Variants in LAMB1 observed in about 807,000 individuals in gnomAD.
LAMB1 encodes laminin subunit beta-1.
Under a neutral mutation model 222.3 loss-of-function variants are expected in LAMB1, and 121 were observed. The observed-to-expected ratio is 0.54, with a 90% confidence interval of 0.47 to 0.63. The LOEUF (loss-of-function observed/expected upper bound fraction) is 0.63. Among genes scored for constraint, LAMB1 ranks in the 30% least tolerant of loss-of-function variants. The pLI, the probability that LAMB1 is intolerant of heterozygous loss-of-function variation, is 0.00. For missense variants in LAMB1, 2,172 were observed against 2,240.8 expected, an observed-to-expected ratio of 0.97 and a Z score of 0.62; for synonymous variants, 794 against 807.2, an observed-to-expected ratio of 0.98 and a Z score of 0.28.
Position 107,924,360 on chromosome 7 carries a change from A to G in LAMB1, c.5094T>C (p.Tyr1698=), listed in dbSNP as rs369918621. The change falls in exon 33 of 34, where the codon TAT becomes TAC. Residue 1698 remains tyrosine, a synonymous_variant. Coordinates refer to ENST00000222399, the MANE Select transcript of LAMB1 (RefSeq NM_002291.3). ...KTLDGELDEK[Y]KKVENLIAKK... ...TGGCAATTAAATTTTCTACTTTTTT[A>G]TACTTTTCATCAAGTTCACCATCTA... 23 of 1,610,428 alleles carry G rather than the reference A, an allele frequency of 1.4e-5. No homozygotes were observed. Among genetic ancestry groups the G allele is most frequent in the Non-Finnish European group, 1.8e-5 (21 of 1,178,220 alleles).
intron 5 of LAMB1, among the ~76,000 whole-genome samples, chr7:107,992,109 G>A (rs562685633): frequency 6.6e-6 from 1 of 152,160 alleles, no homozygotes; most frequent in East Asian, 1.9e-4. Flanking sequence ...CTGACCCACT[G>A]TCCCACCACC....
chr7:107,970,824 T>C (rs1215659824), intron 13 of LAMB1, among the ~76,000 whole-genome samples: 2 of 151,976 alleles, frequency 1.3e-5, no homozygotes, highest in South Asian at 2.1e-4. Flanking sequence ...CTCTGTTTTC[T>C]AGGTTCAAGC....
intron 5 of LAMB1, among the ~76,000 whole-genome samples, chr7:107,987,767 G>C (rs1213002748): frequency 6.6e-6 from 1 of 152,204 alleles, no homozygotes; most frequent in South Asian, 2.1e-4. Flanking sequence ...CTCCCAAAGT[G>C]AGGGGATTAC....
At chr7:107,990,863 G>A (rs1196839985) in intron 5 of LAMB1, among the ~76,000 whole-genome samples, 1 of 152,168 alleles carries the variant, frequency 6.6e-6, no homozygotes, top group African/African-American at 2.4e-5. Flanking sequence ...CTCCTGGGTT[G>A]CAGGAAAAGG....
At chr7:107,964,734 G>T in intron 13 of LAMB1, 47 bp from the exon 14 acceptor site, 1 of 1,604,150 alleles carries the variant, frequency 6.2e-7, no homozygotes, top group Non-Finnish European at 8.5e-7. Context: ...GGTCACGCGA[G>T]TCAACCCGCC....
rs745945945 is a variant in LAMB1 at position 107,955,460 on chromosome 7, G to A, written c.2854+7C>T. 10 of 1,609,810 alleles carry A rather than the reference G, an allele frequency of 6.2e-6. No individual in the cohort carries two copies. The highest frequency in any genetic ancestry group is 4.5e-5 in the East Asian group (2 of 44,704). Reference sequence around the variant, plus strand: ...TCTTTGCCTCCCAAAGTATGCACACGACTTACCAATGTATCCAGGATCACA... The same window carrying A: ...TCTTTGCCTCCCAAAGTATGCACACAACTTACCAATGTATCCAGGATCACA... On this transcript the variant is annotated splice_region_variant and intron_variant, in intron 21 of 33. Coordinates refer to ENST00000222399, the MANE Select transcript of LAMB1 (RefSeq NM_002291.3).
At chr7:107,952,997 A>C (rs141616197) in intron 22 of LAMB1, among the ~76,000 whole-genome samples, 4 of 152,246 alleles carry the variant, frequency 2.6e-5, no homozygotes, top group Admixed American at 2.0e-4. Context: ...CTTTCCTGTT[A>C]TCTCTCCCAG....
chr7:107,964,734 G>GT, intron 13 of LAMB1, 47 bp from the exon 14 acceptor site: 1 of 1,604,150 alleles, frequency 6.2e-7, no homozygotes, highest in Non-Finnish European at 8.5e-7. Context: ...GGTCACGCGA[G>GT]TCAACCCGCC....
intron 25 of LAMB1, among the ~76,000 whole-genome samples, chr7:107,938,856 C>T (rs2032911691): frequency 6.6e-6 from 1 of 152,152 alleles, no homozygotes; most frequent in Non-Finnish European, 1.5e-5. Flanking sequence ...AAACCCAAGG[C>T]TTGACATCAA....
Position 107,929,064 on chromosome 7 carries a change from C to T in LAMB1, c.4887G>A (p.Ser1629=), listed in dbSNP as rs754506684. The change falls in exon 31 of 34, where the codon TCG becomes TCA. Residue 1629 remains serine (S), a splice_region_variant and synonymous_variant. Coordinates refer to ENST00000222399, the MANE Select transcript of LAMB1 (RefSeq NM_002291.3). ...TCATGTAATGATTGTGTATGCCTAC[C>T]GAAGTTAACAGGTTCTGGGTTCCTT... The part of the protein sequence containing the change: ...DIQGTQNLLT[S]IESETAASEE... 7 of 1,613,556 alleles carry T rather than the reference C, an allele frequency of 4.3e-6. No homozygotes were observed. Among genetic ancestry groups the T allele is most frequent in the East Asian group, 2.2e-5 (1 of 44,850 alleles).
chr7:107,932,042 T>G, intron 28 of LAMB1, 132 bp downstream of exon 28: 1 of 851,356 alleles, frequency 1.2e-6, no homozygotes, highest in Non-Finnish European at 1.9e-6. Flanking sequence ...AAACATGAAC[T>G]TTCATATTTG....
rs1054926655 is a variant in LAMB1 at position 107,976,010 on chromosome 7, T to C, written c.1001-133A>G. The C allele has an allele frequency of 5.7e-6, 4 of 696,192 alleles. No individual in the cohort carries two copies. The African/African-American group carries it at 7.2e-5, about 13-fold the overall frequency. The allele number at this position is 696,192 out of a possible 1,614,324, so 43.1% of individuals were successfully genotyped here. On this transcript the variant is annotated intron_variant, in intron 9 of 33. Coordinates refer to ENST00000222399, the MANE Select transcript of LAMB1 (RefSeq NM_002291.3). The stretch of plus-strand genomic sequence containing the variant: ...AATGGCAGTCAACAAGCAGGACTCC[T>C]GGGGAAAAAGGACGCATCCACCGAT...
At chr7:107,940,739 A>C (rs997044800) in intron 24 of LAMB1, among the ~76,000 whole-genome samples, 1 of 152,142 alleles carries the variant, frequency 6.6e-6, no homozygotes, top group Non-Finnish European at 1.5e-5. Context: ...CAGAATTCTG[A>C]TTCAGTTCTT....
rs528714160 is a variant in LAMB1 at position 107,961,009 on chromosome 7, T to A, written c.2109+197A>T. 2.4e-4 allele frequency among the ~76,000 whole-genome samples: 37 copies of A among 152,286 alleles called. 1 individual carries two copies. In the South Asian group the frequency reaches 2.7e-3, roughly 11 times the overall value. On this transcript the variant is annotated intron_variant, in intron 17 of 33. Transcript: ENST00000222399. Reference sequence around the variant, plus strand: ...ACGCCTAGTGAAATGCTGTTTTTTTTAAAAGACATTTTATATTTTTAGAAG... The same window carrying A: ...ACGCCTAGTGAAATGCTGTTTTTTTAAAAAGACATTTTATATTTTTAGAAG...
chr7:107,947,983 C>CTTTTTTTTTTT (rs10630521), intron 24 of LAMB1, among the ~76,000 whole-genome samples: 2 of 117,256 alleles, frequency 1.7e-5, no homozygotes, highest in African/African-American at 3.3e-5. Flanking sequence ...TCTTCTTCTT[C>CTTTTTTTTTTT]TTTTTTTTTT....
chr7:108,001,966 C>A, intron 2 of LAMB1: 1 of 1,449,348 alleles, frequency 6.9e-7, no homozygotes, highest in South Asian at 1.5e-5. Flanking sequence ...CAGGTCTGTC[C>A]AGCAGCGAGA....
chr7:107,996,175 AAAT>A (rs1309020145), intron 4 of LAMB1, among the ~76,000 whole-genome samples: 3 of 152,196 alleles, frequency 2.0e-5, no homozygotes, highest in African/African-American at 7.2e-5. Flanking sequence ...AGAGATAACA[AAAT>A]AATGTAAAGT....
In LAMB1 at chr7:107,975,031, G is replaced by T. The variant is rs1447233282; in HGVS notation, c.1437C>A (p.Cys479Ter). 2 of 1,612,798 alleles carry T rather than the reference G, an allele frequency of 1.2e-6. No individual in the cohort carries two copies. Among genetic ancestry groups the T allele is most frequent in the Non-Finnish European group, 1.7e-6 (2 of 1,178,982 alleles). Residue 479 changes from cysteine to a stop codon, truncating the protein, a stop_gained, in exon 12 of 34, where the codon TGC becomes TGA. Coordinates refer to ENST00000222399, the MANE Select transcript of LAMB1 (RefSeq NM_002291.3). LOFTEE classifies it high-confidence loss of function. ...GTCCTGTCACCAGACGCTTGCAGTAGCAGTGACCTGTCTCGGAATCACAAG... is the reference window on the plus strand; with the variant it reads ...GTCCTGTCACCAGACGCTTGCAGTATCAGTGACCTGTCTCGGAATCACAAG... ...GNPCDSETGHCYCKRLVTGQH... is the reference protein window; with the variant it reads ...GNPCDSETGH
At chr7:107,926,844 G>A (rs2116311237) in intron 31 of LAMB1, among the ~76,000 whole-genome samples, 1 of 152,194 alleles carries the variant, frequency 6.6e-6, no homozygotes, top group East Asian at 1.9e-4. Context: ...GATGTTCTTT[G>A]AATTTCTATA....
Sources: allele counts gnomAD v4.1 joint callset (sites outside exome capture counted in the v4.1 genomes callset), GRCh38; gene constraint gnomAD v4.1.1; transcripts MANE v1.5; gene names NCBI Gene and HGNC (gene_info 2026-07-23, HGNC 2026-07-21).